The following LYPD6 variants were observed in gnomAD, a reference collection of about 807,000 sequenced individuals.
The protein encoded by LYPD6 is LY6/PLAUR domain containing 6.
LYPD6 carries 15 observed loss-of-function variants against 22.7 expected under a neutral mutation model. The observed-to-expected ratio is 0.66, with a 90% CI of 0.44 to 1.02. The LOEUF is 1.02. LYPD6 is among the 50% of genes least tolerant of loss of function. The probability of loss-of-function intolerance (pLI) is 0.00; values close to 1 mark genes in which losing one functional copy is unlikely to be tolerated. For missense variants in LYPD6, 189 were observed against 208.4 expected (o/e 0.91, Z 0.57); for synonymous variants, 72 against 77.5 (o/e 0.93, Z 0.37).
intron 1 of LYPD6, among the ~76,000 whole-genome samples, chr2:149,335,270 A>G (rs895599498): frequency 1.3e-5 from 2 of 152,080 alleles, no homozygotes; most frequent in Non-Finnish European, 2.9e-5. Flanking sequence ...CAGTGGGACA[A>G]GATGTGGTGG....
downstream of LYPD6, among the ~76,000 whole-genome samples, chr2:149,477,361 G>A (rs1375423400): frequency 3.9e-5 from 6 of 151,904 alleles, no homozygotes; most frequent in African/African-American, 7.3e-5. Flanking sequence ...GGTGGCTCAC[G>A]CCTACAATCC....
chr2:149,433,406 C>T (rs2105145563), intron 1 of LYPD6, among the ~76,000 whole-genome samples: 1 of 152,306 alleles, frequency 6.6e-6, no homozygotes, highest in South Asian at 2.1e-4. Flanking sequence ...AGGCAATGTG[C>T]TCCTGACCTC....
the LYPD6 span, among the ~76,000 whole-genome samples, chr2:149,483,421 T>C: frequency 6.6e-6 from 1 of 152,176 alleles, no homozygotes; most frequent in Non-Finnish European, 1.5e-5. Flanking sequence ...GTTTTAATGC[T>C]CCCATTGAAT....
intron 2 of LYPD6, among the ~76,000 whole-genome samples, chr2:149,447,142 G>A (rs1039798234): frequency 1.3e-5 from 2 of 152,192 alleles, no homozygotes; most frequent in Admixed American, 1.3e-4. Flanking sequence ...TCTAAGTAGT[G>A]AAGCAAGCAA....
At chr2:149,356,310 A>G (rs575530942) in intron 1 of LYPD6, among the ~76,000 whole-genome samples, 2 of 152,328 alleles carry the variant, frequency 1.3e-5, no homozygotes, top group South Asian at 4.1e-4. Context: ...ACATGGACCA[A>G]TAAGTTTTGG....
chr2:149,353,509 C>T lies in LYPD6; in HGVS notation c.-72+22787C>T, dbSNP rs547437954. 6.8e-4 allele frequency among the ~76,000 whole-genome samples: 103 copies of T among 152,242 alleles called. 1 individual carries two copies. The highest frequency in any genetic ancestry group is 2.1e-3 in the Admixed American group (32 of 15,286). On this transcript the variant is annotated intron_variant, in intron 1 of 4. Transcript: ENST00000334166. ...TGGTAGCTCTTCTTGCAGTTAAATT[C>T]CTTTAATAACGTGTTCAATCTGCCG...
At chr2:149,359,724 G>A (rs1369343459) in intron 1 of LYPD6, among the ~76,000 whole-genome samples, 1 of 152,136 alleles carries the variant, frequency 6.6e-6, no homozygotes, top group Non-Finnish European at 1.5e-5. Context: ...CTCCATGAAA[G>A]GTTCTAATCA....
intron 3 of LYPD6, among the ~76,000 whole-genome samples, chr2:149,453,854 T>C (rs557373657): frequency 3.2e-4 from 49 of 152,236 alleles, no homozygotes; most frequent in African/African-American, 1.1e-3. Flanking sequence ...AGCCCTCCAA[T>C]TTTTTTTCAT....
In LYPD6 at chr2:149,437,835, G is replaced by A. The variant is rs1377320500; in HGVS notation, c.118+9G>A. 4 of 1,613,170 alleles carry A rather than the reference G, an allele frequency of 2.5e-6. No individual in the cohort carries two copies. The highest frequency in any genetic ancestry group is 3.4e-6 in the Non-Finnish European group (4 of 1,179,308). On this transcript the variant is annotated intron_variant, in intron 2 of 4. Transcript: ENST00000334166. ...CTACCTCCATCCTTCAAGTAAGACTGTTCTCTTTGCTGCAGAAATATCACT... is the reference window on the plus strand; with the variant it reads ...CTACCTCCATCCTTCAAGTAAGACTATTCTCTTTGCTGCAGAAATATCACT...
At chr2:149,476,515 T>G (rs1437773151), downstream of LYPD6, among the ~76,000 whole-genome samples, 3 of 152,054 alleles carry the variant, frequency 2.0e-5, no homozygotes, top group South Asian at 4.1e-4. Context: ...AGGCCTCCAT[T>G]GATGTCCTCC....
At chr2:149,394,327 A>G (rs946122885) in intron 1 of LYPD6, among the ~76,000 whole-genome samples, 10 of 152,162 alleles carry the variant, frequency 6.6e-5, no homozygotes, top group African/African-American at 2.4e-4. Context: ...TCAACAGGTG[A>G]TCACGGACCT....
chr2:149,482,941 G>C, the LYPD6 span, among the ~76,000 whole-genome samples: 1 of 152,184 alleles, frequency 6.6e-6, no homozygotes. Flanking sequence ...AAAAGCTGCT[G>C]ATCCCAAGAC....
At chr2:149,405,066 G>C (rs555627746) in intron 1 of LYPD6, among the ~76,000 whole-genome samples, 1 of 152,092 alleles carries the variant, frequency 6.6e-6, no homozygotes, top group Non-Finnish European at 1.5e-5. Flanking sequence ...AACCAGCCTT[G>C]CATCCCAGAG....
chr2:149,443,776 G>T (rs1359345525), intron 2 of LYPD6, among the ~76,000 whole-genome samples: 1 of 151,766 alleles, frequency 6.6e-6, no homozygotes, highest in South Asian at 2.1e-4. Context: ...ATTATTGCAG[G>T]ATCAGTTCCA....
At chr2:149,340,316 C>A (rs890649208) in intron 1 of LYPD6, among the ~76,000 whole-genome samples, 4 of 152,090 alleles carry the variant, frequency 2.6e-5, no homozygotes, top group African/African-American at 9.7e-5. Flanking sequence ...AATACTAGTT[C>A]TTTTATGCTG....
chr2:149,383,385 G>A (rs73964414), intron 1 of LYPD6, among the ~76,000 whole-genome samples: 27 of 152,060 alleles, frequency 1.8e-4, no homozygotes, highest in African/African-American at 6.3e-4. Context: ...TTTTTTGGGG[G>A]GTAGGGTGAT....
At chr2:149,432,492 C>T (rs761302229) in intron 1 of LYPD6, among the ~76,000 whole-genome samples, 17 of 152,112 alleles carry the variant, frequency 1.1e-4, no homozygotes, top group Non-Finnish European at 2.4e-4. Flanking sequence ...GCTGCTGAAG[C>T]GTAGGGGAGG....
At chr2:149,464,311 C>A in intron 3 of LYPD6, 1 of 300,368 alleles carries the variant, frequency 3.3e-6, no homozygotes, top group Non-Finnish European at 6.8e-6. Flanking sequence ...TTGGATTGAG[C>A]CTTGAAGAAT....
At chr2:149,425,660 C>A (rs1435723585) in intron 1 of LYPD6, among the ~76,000 whole-genome samples, 1 of 152,192 alleles carries the variant, frequency 6.6e-6, no homozygotes, top group Non-Finnish European at 1.5e-5. Flanking sequence ...TACAATAATA[C>A]ACTTCTTCAA....
Sources: gnomAD v4.1 joint callset for allele counts (sites outside exome capture counted in the v4.1 genomes callset) on GRCh38, gnomAD v4.1.1 for gene constraint, MANE v1.5 for transcripts, NCBI Gene and HGNC (gene_info 2026-07-23, HGNC 2026-07-21) for gene names.